MRPS11: variants seen among roughly 807,000 people sequenced by gnomAD.
MRPS11 encodes the protein mitochondrial ribosomal protein S11.
MRPS11 carries 27 observed loss-of-function variants against 24.3 expected under a neutral mutation model. The observed-to-expected ratio is 1.11, with a 90% confidence interval of 0.82 to 1.53. The LOEUF (loss-of-function observed/expected upper bound fraction) is 1.53. Ranked by LOEUF, MRPS11 falls within the 40% of genes most tolerant of loss-of-function variation. The pLI, the probability that MRPS11 is intolerant of heterozygous loss-of-function variation, is 0.00. For missense variants in MRPS11, 277 were observed against 256.5 expected, an observed-to-expected ratio of 1.08 and a Z score of -0.55; for synonymous variants, 104 against 98.7, an observed-to-expected ratio of 1.05 and a Z score of -0.32.
chr15:88,477,915 C>G lies in MRPS11; in HGVS notation c.521C>G (p.Ser174Ter). 1 of 1,614,164 alleles carries G rather than the reference C, an allele frequency of 6.2e-7. No homozygotes were observed. Among genetic ancestry groups the G allele is most frequent in the South Asian group, 1.1e-5 (1 of 91,086 alleles). The change falls in exon 6 of 6, where the codon TCA (serine) becomes TGA (stop). Residue 174 changes from serine to a stop codon, truncating the protein, a stop_gained. Coordinates refer to ENST00000325844, the MANE Select transcript of MRPS11 (RefSeq NM_022839.5). LOFTEE classifies it high-confidence loss of function. This position sits in a 1 kb window ranked among gnomAD's most constrained non-coding sequence, Gnocchi z 5.7. ...GLIMGGLEVI[S>*]ITDNTPIPHN... Reference sequence around the variant, plus strand: ...ATCATGGGCGGCCTGGAAGTGATCTCAATCACAGACAACACCCCAATCCCA... The same window carrying G: ...ATCATGGGCGGCCTGGAAGTGATCTGAATCACAGACAACACCCCAATCCCA...
At chr15:88,468,604 C>T in intron 2 of MRPS11, 2 of 728,234 alleles carry the variant, frequency 2.7e-6, no homozygotes, top group South Asian at 1.2e-4. Context: ...ATCATTCCTC[C>T]CCACAAGTAG....
intron 3 of MRPS11, 36 bp downstream of exon 3, chr15:88,472,761 T>C: frequency 6.5e-7 from 1 of 1,534,634 alleles, no homozygotes; most frequent in Non-Finnish European, 9.0e-7. Context: ...AGGTCTAGCG[T>C]GAGATTCTTT....
chr15:88,468,167 T>A (rs1428593036), intron 2 of MRPS11, 143 bp downstream of exon 2: 3 of 1,452,946 alleles, frequency 2.1e-6, no homozygotes, highest in Non-Finnish European at 2.7e-6. Flanking sequence ...AGCCTCAGCC[T>A]TCTCATCTAA....
Position 88,467,905 on chromosome 15 carries a change from C to T in MRPS11, c.66-3C>T, listed in dbSNP as rs1373614053. The T allele has an allele frequency of 1.2e-6, 2 of 1,613,782 alleles. No individual in the cohort carries two copies. The highest frequency in any genetic ancestry group is 1.1e-5 in the South Asian group (1 of 91,058). On this transcript the variant is annotated splice_region_variant and splice_polypyrimidine_tract_variant and intron_variant, in intron 1 of 5. Transcript: ENST00000325844. ...GTGGCCCTCACCGAGCTTTTCTTCC[C>T]AGCAGGGTCGTGGCCAGAACGCCGG... is the stretch of plus-strand genomic sequence containing the variant.
chr15:88,472,791 AG>A, intron 3 of MRPS11, 66 bp downstream of exon 3: 3 of 1,382,398 alleles, frequency 2.2e-6, no homozygotes, highest in Non-Finnish European at 3.1e-6. Context: ...AGGGAAAGTC[AG>A]GCTTGGCCCT....
chr15:88,475,008 T>C lies in MRPS11; in HGVS notation c.282-102T>C. 1 of 1,367,822 alleles carries C rather than the reference T, an allele frequency of 7.3e-7. No homozygotes were observed. The highest frequency in any genetic ancestry group is 1.9e-4 in the Middle Eastern group (1 of 5,288). The allele number at this position is 1,367,822 out of a possible 1,614,324, so 84.7% of individuals were successfully genotyped here. The stretch of plus-strand genomic sequence containing the variant: ...GAAGCTCAAAGTAGAAGCAACTGAA[T>C]TCCTTTTTCTTTCTCACCCAGGCTT... On this transcript the variant is annotated intron_variant, in intron 3 of 5. Coordinates refer to ENST00000325844, the MANE Select transcript of MRPS11 (RefSeq NM_022839.5). The surrounding 1 kb of genome is among the most constrained non-coding windows in gnomAD (Gnocchi z 4.1).
chr15:88,477,907 A>T lies in MRPS11; in HGVS notation c.513A>T (p.Glu171Asp), dbSNP rs139694172. ...ACGGACTGATCATGGGCGGCCTGGAAGTGATCTCAATCACAGACAACACCC... is the reference window on the plus strand; with the variant it reads ...ACGGACTGATCATGGGCGGCCTGGATGTGATCTCAATCACAGACAACACCC... ...AMHGLIMGGLEVISITDNTPI... is the reference protein window; with the variant it reads ...AMHGLIMGGLDVISITDNTPI... Residue 171 changes from glutamate (E) to aspartate (D), a missense_variant, in exon 6 of 6, where the codon GAA becomes GAT. Glu to Asp is a conservative substitution (Grantham distance 45). Coordinates refer to ENST00000325844, the MANE Select transcript of MRPS11 (RefSeq NM_022839.5). The surrounding 1 kb of genome is among the most constrained non-coding windows in gnomAD (Gnocchi z 5.7). 68 of 1,614,042 alleles carry T rather than the reference A, an allele frequency of 4.2e-5. No individual in the cohort carries two copies. The highest frequency in any genetic ancestry group is 5.5e-5 in the Non-Finnish European group (65 of 1,180,036).
intron 3 of MRPS11, among the ~76,000 whole-genome samples, chr15:88,473,562 A>G (rs527994506): frequency 6.6e-5 from 10 of 152,352 alleles, no homozygotes; most frequent in African/African-American, 2.4e-4. Flanking sequence ...ACATAGGCTA[A>G]CTGCATTTAA....
In MRPS11 at chr15:88,475,051, C is replaced by G. The variant is rs573697368; in HGVS notation, c.282-59C>G. 5.6e-6 allele frequency: 9 copies of G among 1,594,966 alleles called. No homozygotes were observed. In the Admixed American group the frequency reaches 1.4e-4, roughly 24 times the overall value. ...CCAGGCTTCTAGGGGCATAGATTAG[C>G]TCTCTCTTATTTCCCTGAAGAAGAG... is the stretch of plus-strand genomic sequence containing the variant. On this transcript the variant is annotated intron_variant, in intron 3 of 5. Coordinates refer to ENST00000325844, the MANE Select transcript of MRPS11 (RefSeq NM_022839.5). This position sits in a 1 kb window ranked among gnomAD's most constrained non-coding sequence, Gnocchi z 4.1.
At position 88,478,023 on chromosome 15, in the gene MRPS11, C is replaced by G; in HGVS notation, c.*44C>G. ...TTGGACCTGACCTCAAGCCTCAGCT[C>G]CAGTGGGACCTTGTAAAATGCTCCC... On this transcript the variant is annotated 3_prime_UTR_variant, in exon 6 of 6. Coordinates refer to ENST00000325844, the MANE Select transcript of MRPS11 (RefSeq NM_022839.5). This position sits in a 1 kb window ranked among gnomAD's most constrained non-coding sequence, Gnocchi z 4.7. 1.4e-6 allele frequency: 2 copies of G among 1,480,766 alleles called. No homozygotes were observed. Among genetic ancestry groups the G allele is most frequent in the Non-Finnish European group, 1.9e-6 (2 of 1,058,816 alleles). 91.7% of individuals were successfully genotyped at this position (1,480,766 alleles called of 1,614,324 possible). A position where few individuals can be genotyped will look rare whatever the true frequency, so the allele number is the denominator to read the frequency against.
At chr15:88,468,818 T>C (rs2055616148) in intron 2 of MRPS11, 1 of 152,256 alleles carries the variant, frequency 6.6e-6, no homozygotes. Context: ...GAGACCAGCC[T>C]GGCCAACATG....
At chr15:88,470,847 A>G (rs754102282) in intron 2 of MRPS11, among the ~76,000 whole-genome samples, 8 of 152,222 alleles carry the variant, frequency 5.3e-5, no homozygotes, top group Non-Finnish European at 1.0e-4. Context: ...AGAAATGGAC[A>G]ATAGCTCCCA....
chr15:88,467,774 G>C lies in MRPS11; in HGVS notation c.57G>C (p.Gln19His). Reference sequence around the variant, plus strand: ...TCCTGCGGTCCTGGACTTGGCCCCAGACAGCCGGGTAACAAATGACTGCCC... The same window carrying C: ...TCCTGCGGTCCTGGACTTGGCCCCACACAGCCGGGTAACAAATGACTGCCC... ...SRFLRSWTWP[Q>H]TAGRVVARTP... Residue 19 changes from glutamine to histidine, a missense_variant, in exon 1 of 6, where the codon CAG becomes CAC. By Grantham distance (24) the Gln-to-His change is conservative. Transcript: ENST00000325844. 6.2e-7 allele frequency: 1 copy of C among 1,614,098 alleles called. No homozygotes were observed. Among genetic ancestry groups the C allele is most frequent in the South Asian group, 1.1e-5 (1 of 91,078 alleles).
chr15:88,478,235 T>C lies in MRPS11; in HGVS notation c.*256T>C. 2.0e-6 allele frequency: 1 copy of C among 508,458 alleles called. No individual in the cohort carries two copies. Among genetic ancestry groups the C allele is most frequent in the Non-Finnish European group, 3.5e-6 (1 of 284,950 alleles). 31.5% of individuals were successfully genotyped at this position (508,458 alleles called of 1,614,324 possible). On this transcript the variant is annotated 3_prime_UTR_variant, in exon 6 of 6. Transcript: ENST00000325844. The surrounding 1 kb of genome is among the most constrained non-coding windows in gnomAD (Gnocchi z 4.7). The stretch of plus-strand genomic sequence containing the variant: ...CGTGGCCTAGGCCCAAACTCTGCTC[T>C]GAGAAAATAAATATCTGTACCACCT...
intron 2 of MRPS11, 130 bp downstream of exon 2, chr15:88,468,154 C>G (rs2055593958): frequency 6.8e-7 from 1 of 1,461,544 alleles, no homozygotes; most frequent in Non-Finnish European, 9.1e-7. Flanking sequence ...GCAAATAAAT[C>G]TGAGCCTCAG....
In MRPS11 at chr15:88,478,100, A is replaced by G. The variant is rs1221766187; in HGVS notation, c.*121A>G. Reference sequence around the variant, plus strand: ...TTGGAGATCCTTCAGGCAGTAAGGGAGAGTTTTGCCTCCTTACACAGTGGC... The same window carrying G: ...TTGGAGATCCTTCAGGCAGTAAGGGGGAGTTTTGCCTCCTTACACAGTGGC... On this transcript the variant is annotated 3_prime_UTR_variant, in exon 6 of 6. Coordinates refer to ENST00000325844, the MANE Select transcript of MRPS11 (RefSeq NM_022839.5). This position sits in a 1 kb window ranked among gnomAD's most constrained non-coding sequence, Gnocchi z 4.7. The G allele has an allele frequency of 3.8e-6, 3 of 791,254 alleles. No individual in the cohort carries two copies. Among genetic ancestry groups the G allele is most frequent in the Non-Finnish European group, 6.3e-6 (3 of 476,568 alleles). The allele number at this position is 791,254 out of a possible 1,614,324, so 49.0% of individuals were successfully genotyped here. A position where few individuals can be genotyped will look rare whatever the true frequency, so the allele number is the denominator to read the frequency against.
At position 88,477,543 on chromosome 15, in the gene MRPS11, G is replaced by C. The variant is rs1023245886; in HGVS notation, c.478-329G>C. 6.6e-6 allele frequency among the ~76,000 whole-genome samples: 1 copy of C among 152,212 alleles called. No homozygotes were observed. ...GGTACGGGGGGACATTGCAGGCAGA[G>C]AAAACTGCCTGAGTAAGCTACAGAA... is the stretch of plus-strand genomic sequence containing the variant. On this transcript the variant is annotated intron_variant, in intron 5 of 5. Transcript: ENST00000325844. This position sits in a 1 kb window ranked among gnomAD's most constrained non-coding sequence, Gnocchi z 5.7.
Sources: gnomAD v4.1 joint callset for allele counts (sites outside exome capture counted in the v4.1 genomes callset) on GRCh38, gnomAD v4.1.1 for gene constraint, Gnocchi (gnomAD v3.1) non-coding constraint, MANE v1.5 for transcripts, NCBI Gene and HGNC (gene_info 2026-07-23, HGNC 2026-07-21) for gene names.